VPS13A: variants seen among roughly 807,000 people sequenced by gnomAD.
VPS13A encodes vacuolar protein sorting 13 homolog A.
A neutral mutation model predicts 390.9 loss-of-function variants in VPS13A; 264 were observed. The observed-to-expected ratio is 0.68, with a 90% CI of 0.61 to 0.75. The LOEUF is 0.75. Ranked by LOEUF, VPS13A falls within the 30% of genes least tolerant of loss-of-function variation. VPS13A has a pLI of 0.00. For synonymous variants in VPS13A, 1,231 were observed against 1,227.1 expected, an observed-to-expected ratio of 1.00 and a Z score of -0.07; for missense variants, 3,409 against 3,733.9, an observed-to-expected ratio of 0.91 and a Z score of 2.27.
In VPS13A at chr9:77,307,972, A is replaced by G; in HGVS notation, c.3988A>G (p.Thr1330Ala). The change falls in exon 35 of 72, where the codon ACT (threonine) becomes GCT (alanine). Residue 1330 changes from threonine to alanine, a missense_variant. This residue lies in a region of VPS13A where 2,717 missense variants were observed against 2,917.4 expected (regional missense o/e 0.93). Coordinates refer to ENST00000360280, the MANE Select transcript of VPS13A (RefSeq NM_033305.3). ...EFILSQEDITTIFKTLHGNIW... is the reference protein window; with the variant it reads ...EFILSQEDITAIFKTLHGNIW... ...CATTCTTAGTCAAGAAGATATAACA[A>G]CTATTTTTAAAACATTGCATGGCAA... is the stretch of plus-strand genomic sequence containing the variant. 3.8e-6 allele frequency: 6 copies of G among 1,599,040 alleles called. No homozygotes were observed. Among genetic ancestry groups the G allele is most frequent in the South Asian group, 2.2e-5 (2 of 90,660 alleles).
At chr9:77,371,825 C>T (rs1394857994) in intron 67 of VPS13A, among the ~76,000 whole-genome samples, 3 of 121,240 alleles carry the variant, frequency 2.5e-5, no homozygotes, top group Non-Finnish European at 3.4e-5. Flanking sequence ...TCCCCCCACC[C>T]CACCTGTGAT....
chr9:77,183,878 T>C (rs1824170832), intron 1 of VPS13A, among the ~76,000 whole-genome samples: 1 of 152,242 alleles, frequency 6.6e-6, no homozygotes, highest in Non-Finnish European at 1.5e-5. Context: ...CATATCCATA[T>C]AATGGAATAC....
Position 77,250,113 on chromosome 9 carries a change from G to C in VPS13A, c.2054G>C (p.Arg685Pro), listed in dbSNP as rs759444624. 6.2e-7 allele frequency: 1 copy of C among 1,613,580 alleles called. No homozygotes were observed. Among genetic ancestry groups the C allele is most frequent in the Non-Finnish European group, 8.5e-7 (1 of 1,179,872 alleles). The change falls in exon 21 of 72, where the codon CGT (arginine) becomes CCT (proline). Residue 685 changes from arginine to proline, a missense_variant. Physicochemically the swap from Arg to Pro is moderately radical, Grantham distance 103. Coordinates refer to ENST00000360280, the MANE Select transcript of VPS13A (RefSeq NM_033305.3). ...LGHLKVTSKS[R>P]SELPDVKQGE... ...AACTTGAAGGTGACGAGTAAAAGTCGTTCTGAATTACCAGATGTGAAACAA... is the reference window on the plus strand; with the variant it reads ...AACTTGAAGGTGACGAGTAAAAGTCCTTCTGAATTACCAGATGTGAAACAA...
intron 45 of VPS13A, among the ~76,000 whole-genome samples, chr9:77,324,971 G>A (rs572301469): frequency 4.6e-5 from 7 of 152,254 alleles, no homozygotes; most frequent in African/African-American, 1.7e-4. Flanking sequence ...GGGGCATATA[G>A]TCTCAGGATT....
At position 77,314,674 on chromosome 9, in the gene VPS13A, G is replaced by A. The variant is rs1435453099; in HGVS notation, c.4412+10G>A. ...AGAAAGCAACTCCTCGGTATGTATTGTAATGATGTTCTAAGGTTTTACTTG... is the reference window on the plus strand; with the variant it reads ...AGAAAGCAACTCCTCGGTATGTATTATAATGATGTTCTAAGGTTTTACTTG... On this transcript the variant is annotated intron_variant, in intron 37 of 71. Coordinates refer to ENST00000360280, the MANE Select transcript of VPS13A (RefSeq NM_033305.3). 1 of 1,609,042 alleles carries A rather than the reference G, an allele frequency of 6.2e-7. No individual in the cohort carries two copies. Among genetic ancestry groups the A allele is most frequent in the Non-Finnish European group, 8.5e-7 (1 of 1,176,140 alleles).
At chr9:77,223,289 G>A (rs905189410) in intron 13 of VPS13A, among the ~76,000 whole-genome samples, 19 of 151,988 alleles carry the variant, frequency 1.3e-4, no homozygotes, top group Non-Finnish European at 2.2e-4. Flanking sequence ...AAATTAGGCC[G>A]ATTAATAGCC....
At position 77,384,700 on chromosome 9, in the gene VPS13A, AT is replaced by A. The variant is rs752384350; in HGVS notation, c.9189+2617del. On this transcript the variant is annotated intron_variant, in intron 68 of 71. Coordinates refer to ENST00000360280, the MANE Select transcript of VPS13A (RefSeq NM_033305.3). Reference sequence around the variant, plus strand: ...AACCATTAAAATTCATATGTTCTTTATTTTACTTGGAATGTTTCATTAACAT... The same window carrying A: ...AACCATTAAAATTCATATGTTCTTTATTTACTTGGAATGTTTCATTAACAT... 7 of 1,589,302 alleles carry A rather than the reference AT, an allele frequency of 4.4e-6. No individual in the cohort carries two copies. The Admixed American group carries it at 1.2e-4, about 27-fold the overall frequency.
At chr9:77,385,677 T>G (rs1271896227) in intron 68 of VPS13A, among the ~76,000 whole-genome samples, 2 of 152,084 alleles carry the variant, frequency 1.3e-5, no homozygotes, top group African/African-American at 4.8e-5. Flanking sequence ...ATATGATCTT[T>G]GGTAGTTAGA....
intron 1 of VPS13A, among the ~76,000 whole-genome samples, chr9:77,196,860 T>A (rs1825035843): frequency 6.6e-6 from 1 of 152,152 alleles, no homozygotes; most frequent in African/African-American, 2.4e-5. Context: ...ATTTATACAT[T>A]AGTGGGAATG....
chr9:77,409,636 G>C (rs1298676543), intron 71 of VPS13A, among the ~76,000 whole-genome samples: 1 of 151,454 alleles, frequency 6.6e-6, no homozygotes, highest in African/African-American at 2.4e-5. Flanking sequence ...CAAGGCACGA[G>C]AACTAAGTGA....
intron 24 of VPS13A, among the ~76,000 whole-genome samples, chr9:77,273,750 G>A (rs139959994): frequency 2.6e-5 from 4 of 152,266 alleles, no homozygotes; most frequent in African/African-American, 7.2e-5. Flanking sequence ...AGTTTGTTAC[G>A]CAGATATGTC....
chr9:77,366,649 A>G (rs1832446511), intron 60 of VPS13A, 78 bp from the exon 61 acceptor site: 1 of 1,314,284 alleles, frequency 7.6e-7, no homozygotes, highest in South Asian at 1.3e-5. Flanking sequence ...TGAATTTAAA[A>G]TTAAACTGAT....
At chr9:77,344,485 C>T (rs1002443827) in intron 51 of VPS13A, among the ~76,000 whole-genome samples, 5 of 152,000 alleles carry the variant, frequency 3.3e-5, no homozygotes, top group Admixed American at 6.5e-5. Context: ...GGGCCGGGTG[C>T]GGTGGCTCAC....
intron 31 of VPS13A, among the ~76,000 whole-genome samples, chr9:77,287,990 A>G (rs148458048): frequency 4.6e-5 from 7 of 152,322 alleles, no homozygotes; most frequent in South Asian, 2.1e-4. Context: ...AGCATATACA[A>G]TGGGTCTGTC....
At position 77,250,239 on chromosome 9, in the gene VPS13A, A is replaced by G; in HGVS notation, c.2170+10A>G. The stretch of plus-strand genomic sequence containing the variant: ...CTTTACAGTAGAGTTGGTGAGTATA[A>G]AATGCATTATTTGTTGATTGATTTT... On this transcript the variant is annotated intron_variant, in intron 21 of 71. Transcript: ENST00000360280. The G allele has an allele frequency of 1.9e-6, 3 of 1,612,630 alleles. No individual in the cohort carries two copies. The highest frequency in any genetic ancestry group is 2.5e-6 in the Non-Finnish European group (3 of 1,179,730).
chr9:77,258,889 A>AG (rs1430725961), intron 22 of VPS13A, among the ~76,000 whole-genome samples: 1 of 152,052 alleles, frequency 6.6e-6, no homozygotes, highest in Non-Finnish European at 1.5e-5. Flanking sequence ...TACCAGAAAA[A>AG]GTAGGTGATA....
At chr9:77,313,863 ATATTT>A in intron 35 of VPS13A, 124 bp from the exon 36 acceptor site, 1 of 1,044,206 alleles carries the variant, frequency 9.6e-7, no homozygotes, top group South Asian at 1.6e-5. Flanking sequence ...GAATTTTCTA[ATATTT>A]TATTTTCTTG....
chr9:77,199,752 T>C (rs1825214311), intron 1 of VPS13A, among the ~76,000 whole-genome samples, 193 bp from the exon 2 acceptor site: 2 of 147,530 alleles, frequency 1.4e-5, no homozygotes, highest in Admixed American at 1.4e-4. Context: ...TTAGTGAAGA[T>C]TTGGTCAAGC....
At chr9:77,212,623 A>C (rs542773158) in intron 7 of VPS13A, among the ~76,000 whole-genome samples, 110 of 152,254 alleles carry the variant, frequency 7.2e-4, no homozygotes, top group African/African-American at 2.2e-3. Flanking sequence ...GGTGTGAGCC[A>C]CTGCACCCAA....
Sources: gnomAD v4.1 joint callset for allele counts (sites outside exome capture counted in the v4.1 genomes callset) on GRCh38, gnomAD v4.1.1 for gene constraint, gnomAD v4.1.1 regional missense constraint, MANE v1.5 for transcripts, NCBI Gene and HGNC (gene_info 2026-07-23, HGNC 2026-07-21) for gene names.